The following JMJD7 variants were observed in gnomAD, a reference collection of about 807,000 sequenced individuals.
The protein encoded by JMJD7 is bifunctional peptidase and (3S)-lysyl hydroxylase JMJD7.
In JMJD7, 41 loss-of-function variants were observed where a neutral mutation model predicts 41.1. The observed-to-expected ratio is 1.00, with a 90% CI of 0.78 to 1.30. The LOEUF (loss-of-function observed/expected upper bound fraction) is 1.30, where lower values mean the gene tolerates loss of function less well. Among genes scored for constraint, JMJD7 ranks in the 50% most tolerant of loss-of-function variants. JMJD7 has a pLI of 0.00. For synonymous variants in JMJD7, 202 were observed against 177.2 expected, an observed-to-expected ratio of 1.14 and a Z score of -1.11; for missense variants, 480 against 420.7, an observed-to-expected ratio of 1.14 and a Z score of -1.23.
At position 41,836,837 on chromosome 15, in the gene JMJD7, C is replaced by T. The variant is rs766256605; in HGVS notation, c.759C>T (p.Tyr253=). 1.2e-6 allele frequency: 2 copies of T among 1,612,986 alleles called. No homozygotes were observed. The highest frequency in any genetic ancestry group is 2.2e-5 in the East Asian group (1 of 44,856). The change falls in exon 7 of 8, where the codon TAC becomes TAT. Residue 253 remains tyrosine (Y), a synonymous_variant. Transcript: ENST00000397299. ...LAPDLARYPS[Y]SQAQALRCTV... is the part of the protein sequence containing the mutation. ...CAGACCTAGCACGGTACCCTAGTTACAGTCAGGCCCAGGCCCTTCGCTGCA... is the reference window on the plus strand; with the variant it reads ...CAGACCTAGCACGGTACCCTAGTTATAGTCAGGCCCAGGCCCTTCGCTGCA...
At chr15:41,830,686 C>T (rs967084248) in intron 1 of JMJD7, among the ~76,000 whole-genome samples, 1 of 152,252 alleles carries the variant, frequency 6.6e-6, no homozygotes, top group Non-Finnish European at 1.5e-5. Context: ...CAGGAAGGCC[C>T]CTTCCTGCTG....
intron 4 of JMJD7, 23 bp downstream of exon 4, chr15:41,835,667 G>A (rs554950464): frequency 6.2e-7 from 1 of 1,609,544 alleles, no homozygotes; most frequent in African/African-American, 1.3e-5. Flanking sequence ...GGAATACAAA[G>A]GTGGGGAAGG....
intron 1 of JMJD7, among the ~76,000 whole-genome samples, chr15:41,833,410 A>ATTTTTTT (rs1465192714): frequency 1.0e-4 from 4 of 39,726 alleles, no homozygotes; most frequent in Non-Finnish European, 2.3e-4. Flanking sequence ...ATATATATAT[A>ATTTTTTT]TATATTTTTT....
chr15:41,831,870 G>A (rs752288177), intron 1 of JMJD7, among the ~76,000 whole-genome samples: 1 of 152,206 alleles, frequency 6.6e-6, no homozygotes, highest in Non-Finnish European at 1.5e-5. Flanking sequence ...TAAAAGAGCT[G>A]TAACATGAAG....
intron 1 of JMJD7, among the ~76,000 whole-genome samples, chr15:41,830,794 T>TA (rs1424654458): frequency 2.6e-5 from 4 of 152,242 alleles, no homozygotes; most frequent in Non-Finnish European, 5.9e-5. Flanking sequence ...GCCTGGGTGC[T>TA]ATTGCAGTGC....
intron 1 of JMJD7, among the ~76,000 whole-genome samples, chr15:41,831,204 G>T (rs1417356218): frequency 2.0e-5 from 3 of 152,336 alleles, no homozygotes; most frequent in Admixed American, 6.5e-5. Flanking sequence ...CAGCTGCGGG[G>T]AGGAGCTACC....
chr15:41,835,724 AT>A, intron 4 of JMJD7, 80 bp downstream of exon 4: 1 of 1,509,290 alleles, frequency 6.6e-7, no homozygotes, highest in Non-Finnish European at 9.0e-7. Flanking sequence ...GAGTGGAGGG[AT>A]GGCCCTGGGT....
chr15:41,828,434 G>C, intron 1 of JMJD7: 1 of 425,486 alleles, frequency 2.4e-6, no homozygotes, highest in South Asian at 5.6e-5. Context: ...GAAGCCCTGT[G>C]TTTCCTACAG....
At chr15:41,833,341 TC>T (rs1467082267) in intron 1 of JMJD7, among the ~76,000 whole-genome samples, 1 of 147,728 alleles carries the variant, frequency 6.8e-6, no homozygotes, top group African/African-American at 2.5e-5. Flanking sequence ...CTTGTGGAGT[TC>T]ACATTCTAGC....
At chr15:41,836,698 G>A in intron 6 of JMJD7, 83 bp from the exon 7 acceptor site, 1 of 1,495,560 alleles carries the variant, frequency 6.7e-7, no homozygotes, top group Non-Finnish European at 8.9e-7. Flanking sequence ...AGCAGGGCCT[G>A]TGGTGTTGAC....
rs1374435355 is a variant in JMJD7 at position 41,835,218 on chromosome 15, C to T, written c.467C>T (p.Ala156Val). The T allele has an allele frequency of 6.3e-7, 1 of 1,598,016 alleles. No individual in the cohort carries two copies. Among genetic ancestry groups the T allele is most frequent in the South Asian group, 1.1e-5 (1 of 90,918 alleles). The change falls in exon 3 of 8, where the codon GCC (alanine) becomes GTC (valine). Residue 156 changes from alanine to valine, a missense_variant. Coordinates refer to ENST00000397299, the MANE Select transcript of JMJD7 (RefSeq NM_001114632.2). ...TCCCATGTGCCCTGGGCCTCCGAAGCCCTGGGTGAGTGGAGGTGGGGTGGT... is the reference window on the plus strand; with the variant it reads ...TCCCATGTGCCCTGGGCCTCCGAAGTCCTGGGTGAGTGGAGGTGGGGTGGT... ...LESHVPWASE[A>V]LGKMPDAVNF...
chr15:41,834,629 G>A (rs765327630), intron 1 of JMJD7, 111 bp from the exon 2 acceptor site: 18 of 1,486,708 alleles, frequency 1.2e-5, no homozygotes, highest in Admixed American at 4.3e-5. Flanking sequence ...GGTCACCAAC[G>A]AGCATTTCCC....
At chr15:41,832,967 G>A (rs140642138) in intron 1 of JMJD7, among the ~76,000 whole-genome samples, 554 of 152,340 alleles carry the variant, frequency 3.6e-3, no homozygotes, top group Non-Finnish European at 5.7e-3. Flanking sequence ...TGAATAGAGG[G>A]TGTGTGGCAA....
At position 41,837,060 on chromosome 15, in the gene JMJD7, T is replaced by A; in HGVS notation, c.863-8T>A. 2.5e-6 allele frequency: 4 copies of A among 1,612,438 alleles called. No homozygotes were observed. The highest frequency in any genetic ancestry group is 3.4e-6 in the Non-Finnish European group (4 of 1,178,604). ...ATCTTCATGCTCAGATCCCCGTTCTTCCCACAGTGAATTTCTGGTATGACA... is the reference window on the plus strand; with the variant it reads ...ATCTTCATGCTCAGATCCCCGTTCTACCCACAGTGAATTTCTGGTATGACA... On this transcript the variant is annotated splice_polypyrimidine_tract_variant and splice_region_variant and intron_variant, in intron 7 of 7. Coordinates refer to ENST00000397299, the MANE Select transcript of JMJD7 (RefSeq NM_001114632.2).
chr15:41,828,461 G>T (rs552244344), intron 1 of JMJD7: 20 of 363,010 alleles, frequency 5.5e-5, no homozygotes, highest in Non-Finnish European at 4.9e-6. Flanking sequence ...GCAGCTTGCT[G>T]TTACCCTTGT....
chr15:41,831,377 T>C (rs902002778), intron 1 of JMJD7, among the ~76,000 whole-genome samples: 35 of 152,176 alleles, frequency 2.3e-4, no homozygotes, highest in African/African-American at 7.7e-4. Context: ...GAACATTCAC[T>C]TTCCAACTGA....
chr15:41,836,709 C>A, intron 6 of JMJD7, 72 bp from the exon 7 acceptor site: 1 of 1,511,618 alleles, frequency 6.6e-7, no homozygotes, highest in Non-Finnish European at 8.9e-7. Flanking sequence ...TGGTGTTGAC[C>A]TTTGGAAGGG....
intron 1 of JMJD7, among the ~76,000 whole-genome samples, chr15:41,833,414 A>ATATATATTTTTTTTTTT (rs1239528383): frequency 1.9e-4 from 6 of 32,016 alleles, no homozygotes; most frequent in Non-Finnish European, 3.7e-4. Context: ...ATATATATAT[A>ATATATATTTTTTTTTTT]TTTTTTTTTT....
chr15:41,834,779 C>T lies in JMJD7; in HGVS notation c.104C>T (p.Pro35Leu), dbSNP rs1218387118. Reference sequence around the variant, plus strand: ...CTTGCTGTGCCCTACCTGGACAAACCCCCAACTCCGCTCCACTTCTACCGG... The same window carrying T: ...CTTGCTGTGCCCTACCTGGACAAACTCCCAACTCCGCTCCACTTCTACCGG... Reference protein sequence around the residue: ...VPLAVPYLDKPPTPLHFYRDW... With the variant: ...VPLAVPYLDKLPTPLHFYRDW... The change falls in exon 2 of 8, where the codon CCC (proline) becomes CTC (leucine). Residue 35 changes from proline (P) to leucine (L), a missense_variant. Pro to Leu is a moderately conservative substitution (Grantham distance 98). Coordinates refer to ENST00000397299, the MANE Select transcript of JMJD7 (RefSeq NM_001114632.2). 1 of 1,614,192 alleles carries T rather than the reference C, an allele frequency of 6.2e-7. No homozygotes were observed. Among genetic ancestry groups the T allele is most frequent in the African/African-American group, 1.3e-5 (1 of 75,048 alleles).
Sources: gnomAD v4.1 joint callset for allele counts (sites outside exome capture counted in the v4.1 genomes callset) on GRCh38, gnomAD v4.1.1 for gene constraint, MANE v1.5 for transcripts, NCBI Gene and HGNC (gene_info 2026-07-23, HGNC 2026-07-21) for gene names.